Variants in NFIC observed in about 807,000 individuals in gnomAD.
NFIC encodes the protein nuclear factor 1 C-type.
Under a neutral mutation model 54.4 loss-of-function variants are expected in NFIC, and 12 were observed. That is an observed-to-expected ratio of 0.22 (90% CI 0.14 to 0.36). The LOEUF (loss-of-function observed/expected upper bound fraction) is 0.36, where lower values mean the gene tolerates loss of function less well. Among genes scored for constraint, NFIC ranks in the 10% least tolerant of loss-of-function variants. The pLI, the probability that NFIC is intolerant of heterozygous loss-of-function variation, is 1.00. For missense variants in NFIC, 575 were observed against 718.2 expected, an observed-to-expected ratio of 0.80 and a Z score of 2.28; for synonymous variants, 322 against 319.2, an observed-to-expected ratio of 1.01 and a Z score of -0.09.
intron 7 of NFIC, among the ~76,000 whole-genome samples, chr19:3,451,309 T>C (rs2082459318): frequency 6.6e-6 from 1 of 150,546 alleles, no homozygotes; most frequent in African/African-American, 2.5e-5. Flanking sequence ...AGGTGAGGAG[T>C]GACGGCTGAT....
intron 2 of NFIC, among the ~76,000 whole-genome samples, chr19:3,392,268 C>T (rs2081388302): frequency 6.6e-6 from 1 of 152,038 alleles, no homozygotes; most frequent in South Asian, 2.1e-4. Context: ...GCGGGGGTTT[C>T]ACTATGTTGG....
At position 3,465,776 on chromosome 19, in the gene NFIC, CTCCA is replaced by C. The variant is rs2082710427; in HGVS notation, c.*3008_*3011del. 6.6e-6 allele frequency: 1 copy of C among 152,316 alleles called. No individual in the cohort carries two copies. The highest frequency in any genetic ancestry group is 6.5e-5 in the Admixed American group (1 of 15,284). 9.4% of individuals were successfully genotyped at this position (152,316 alleles called of 1,614,324 possible). On this transcript the variant is annotated 3_prime_UTR_variant, in exon 11 of 11. Coordinates refer to ENST00000443272, the MANE Select transcript of NFIC (RefSeq NM_001245002.2). The stretch of plus-strand genomic sequence containing the variant: ...CTGTCCTCCAACCATGGGGTGGCCA[CTCCA>C]CCCGCAGCCAGACTCCCCGCTCCCC...
rs941719545 is a variant in NFIC, at chr19:3,445,902, C to T, written c.959-3112C>T. ...TCCTCACCGTTTCTCATCAGGGCATCACCCGGGGACAGCAGGTCACATCTG... is the reference window on the plus strand; with the variant it reads ...TCCTCACCGTTTCTCATCAGGGCATTACCCGGGGACAGCAGGTCACATCTG... On this transcript the variant is annotated intron_variant, in intron 6 of 10. Transcript: ENST00000443272. 1.2e-4 allele frequency among the ~76,000 whole-genome samples: 19 copies of T among 152,178 alleles called. 1 individual carries two copies. Among genetic ancestry groups the T allele is most frequent in the Admixed American group, 1.2e-3 (18 of 15,274 alleles).
rs372778220 is a variant in NFIC at position 3,369,571 on chromosome 19, G to A, written c.30+2905G>A. On this transcript the variant is annotated intron_variant, in intron 1 of 10. Transcript: ENST00000443272. This position sits in a 1 kb window ranked among gnomAD's most constrained non-coding sequence, Gnocchi z 4.3. The stretch of plus-strand genomic sequence containing the variant: ...CTGTGCCACCCGGGCCCGGCCCGCC[G>A]AGTGGGGAGTGGGTGCTGGCGGCCC... Among the ~76,000 whole-genome samples the A allele has an allele frequency of 1.2e-4, 18 of 152,214 alleles. No individual in the cohort carries two copies. Among genetic ancestry groups the A allele is most frequent in the African/African-American group, 3.6e-4 (15 of 41,458 alleles).
At chr19:3,460,316 A>G (rs564164578) in intron 10 of NFIC, among the ~76,000 whole-genome samples, 1 of 152,274 alleles carries the variant, frequency 6.6e-6, no homozygotes, top group South Asian at 2.1e-4. Flanking sequence ...CAGGAGCAGA[A>G]ATGAGAGCCA....
chr19:3,428,630 C>T (rs955160157), intron 3 of NFIC, among the ~76,000 whole-genome samples: 3 of 152,168 alleles, frequency 2.0e-5, no homozygotes, highest in African/African-American at 7.2e-5. Flanking sequence ...GGGTCCTCCG[C>T]GGCCTCCTGT....
intron 6 of NFIC, 146 bp downstream of exon 6, chr19:3,435,353 G>C: frequency 8.2e-7 from 1 of 1,224,392 alleles, no homozygotes; most frequent in Non-Finnish European, 1.1e-6. Context: ...TAGTCGTCCC[G>C]AGCTGCGCTT....
rs564956786 is a variant in NFIC at position 3,407,031 on chromosome 19, G to A, written c.563-18075G>A. Among the ~76,000 whole-genome samples, 3 of 152,138 alleles carry A rather than the reference G, an allele frequency of 2.0e-5. No individual in the cohort carries two copies. In the South Asian group the frequency reaches 6.2e-4, roughly 32 times the overall value. On this transcript the variant is annotated intron_variant, in intron 2 of 10. Transcript: ENST00000443272. ...AGGGACGAGGGGAGGAGGGGAGGGA[G>A]GGGGCAGAGGCGGGCTGTGCAGGGC...
chr19:3,370,521 C>T lies in NFIC; in HGVS notation c.30+3855C>T, dbSNP rs556349120. Among the ~76,000 whole-genome samples the T allele has an allele frequency of 6.6e-6, 1 of 151,582 alleles. No individual in the cohort carries two copies. Among genetic ancestry groups the T allele is most frequent in the African/African-American group, 2.4e-5 (1 of 41,334 alleles). ...TCTCTCTGTCTCCCTCCCTTTCTCC[C>T]CCCATCTCGCTCTCTCCTCCTCTCT... is the stretch of plus-strand genomic sequence containing the variant. On this transcript the variant is annotated intron_variant, in intron 1 of 10. Coordinates refer to ENST00000443272, the MANE Select transcript of NFIC (RefSeq NM_001245002.2). This position sits in a 1 kb window ranked among gnomAD's most constrained non-coding sequence, Gnocchi z 5.2.
intron 2 of NFIC, among the ~76,000 whole-genome samples, chr19:3,383,370 A>G (rs528344660): frequency 6.6e-6 from 1 of 152,302 alleles, no homozygotes; most frequent in East Asian, 1.9e-4. Context: ...GCCAGGCCAC[A>G]GTGAACAAGG....
chr19:3,382,626 G>T (rs529065704), intron 2 of NFIC, among the ~76,000 whole-genome samples: 1 of 151,966 alleles, frequency 6.6e-6, no homozygotes, highest in African/African-American at 2.4e-5. Flanking sequence ...AGGGTCTGAG[G>T]GAGGAGGCTG....
intron 2 of NFIC, among the ~76,000 whole-genome samples, chr19:3,393,675 C>T (rs897400525): frequency 1.5e-4 from 22 of 151,474 alleles, no homozygotes; most frequent in African/African-American, 4.6e-4. Context: ...ATGAGCCGGG[C>T]GTGGTGGCGC....
chr19:3,435,061 C>CT lies in NFIC; in HGVS notation c.834-21dup, dbSNP rs774310641. On this transcript the variant is annotated intron_variant, in intron 5 of 10. Coordinates refer to ENST00000443272, the MANE Select transcript of NFIC (RefSeq NM_001245002.2). ...CCCGCGTCTCCCTGGTAACCAGCCT[C>CT]TCCCCTTCCCTCGCCCATAAGGAGC... The CT allele has an allele frequency of 1.5e-5, 24 of 1,566,800 alleles. No homozygotes were observed. In the South Asian group the frequency reaches 1.7e-4, roughly 11 times the overall value.
At chr19:3,388,100 G>A (rs1478452121) in intron 2 of NFIC, among the ~76,000 whole-genome samples, 1 of 152,166 alleles carries the variant, frequency 6.6e-6, no homozygotes, top group East Asian at 1.9e-4. Context: ...CCAGCCTCCT[G>A]TTCCCGCCTT....
chr19:3,450,623 C>T (rs1384015363), intron 7 of NFIC, among the ~76,000 whole-genome samples: 1 of 152,070 alleles, frequency 6.6e-6, no homozygotes, highest in Non-Finnish European at 1.5e-5. Flanking sequence ...CCATTGCACT[C>T]CAGCCTGGGC....
chr19:3,435,333 C>T, intron 6 of NFIC, 126 bp downstream of exon 6: 1 of 1,333,900 alleles, frequency 7.5e-7, no homozygotes, highest in Non-Finnish European at 9.9e-7. Flanking sequence ...GCGGGGCCTC[C>T]TGGGAATTGT....
At chr19:3,395,439 T>C (rs1440394734) in intron 2 of NFIC, among the ~76,000 whole-genome samples, 1 of 151,600 alleles carries the variant, frequency 6.6e-6, no homozygotes, top group Non-Finnish European at 1.5e-5. Flanking sequence ...TCCTCCCACC[T>C]TAGCCTCCTA....
chr19:3,386,314 CTTTTTTTTTTTT>C (rs35622819), intron 2 of NFIC, among the ~76,000 whole-genome samples: 2 of 69,068 alleles, frequency 2.9e-5, no homozygotes, highest in South Asian at 6.3e-4. Context: ...TGCTGTATGC[CTTTTTTTTTTTT>C]TTTTTTTTTT....
At chr19:3,399,804 G>A (rs1030338825) in intron 2 of NFIC, among the ~76,000 whole-genome samples, 3 of 152,154 alleles carry the variant, frequency 2.0e-5, no homozygotes, top group Admixed American at 6.6e-5. Flanking sequence ...CTGGGAGGCG[G>A]AGATTGTAGT....
Sources: allele counts gnomAD v4.1 joint callset (sites outside exome capture counted in the v4.1 genomes callset), GRCh38; gene constraint gnomAD v4.1.1; non-coding constraint Gnocchi (gnomAD v3.1); transcripts MANE v1.5; gene names NCBI Gene and HGNC (gene_info 2026-07-23, HGNC 2026-07-21).